The following UBAC2 variants were observed in gnomAD, a reference collection of about 807,000 sequenced individuals.
UBAC2 encodes UBA domain containing 2.
UBAC2 carries 26 observed loss-of-function variants against 44.0 expected under a neutral mutation model. That is an observed-to-expected ratio of 0.59 (90% confidence interval 0.43 to 0.82). UBAC2 has a LOEUF of 0.82. Ranked by LOEUF, UBAC2 falls within the 40% of genes least tolerant of loss-of-function variation. UBAC2 has a pLI of 0.00. For synonymous variants in UBAC2, 155 were observed against 154.3 expected (o/e 1.00, Z -0.04); for missense variants, 329 against 419.4 (o/e 0.78, Z 1.88).
At chr13:99,335,748 C>CT (rs2044779677) in intron 6 of UBAC2, among the ~76,000 whole-genome samples, 1 of 152,168 alleles carries the variant, frequency 6.6e-6, no homozygotes, top group African/African-American at 2.4e-5. Flanking sequence ...TCTGCTTCCT[C>CT]TCTCTCTCAT....
At chr13:99,212,983 C>T (rs1391797293) in intron 1 of UBAC2, among the ~76,000 whole-genome samples, 1 of 152,216 alleles carries the variant, frequency 6.6e-6, no homozygotes, top group Non-Finnish European at 1.5e-5. Context: ...ATTAGTCCCA[C>T]ATAATGATTC....
chr13:99,236,666 T>A (rs2390236), intron 1 of UBAC2, among the ~76,000 whole-genome samples: 147,934 of 152,256 alleles, frequency 0.97, 71,997 homozygotes, highest in East Asian at 1. Flanking sequence ...CCTGGCCAAC[T>A]TGGTGAAACC....
rs1486350448 is a variant in UBAC2, at chr13:99,273,580, A to AAG, written c.389+28957_389+28958dup. On this transcript the variant is annotated intron_variant, in intron 4 of 8. Transcript: ENST00000403766. ...ATCTCTTGGTAGGTACCTACCTCTT[A>AAG]AGGTAGGTACCTTGCAGTGTGGCTG... Among the ~76,000 whole-genome samples, 42 of 152,268 alleles carry AAG rather than the reference A, an allele frequency of 2.8e-4. No individual in the cohort carries two copies. In the East Asian group the frequency reaches 7.3e-3, roughly 27 times the overall value.
chr13:99,215,180 T>A (rs9517651), intron 1 of UBAC2, among the ~76,000 whole-genome samples: 87,164 of 152,044 alleles, frequency 0.57, 26,821 homozygotes, highest in Non-Finnish European at 0.71. Flanking sequence ...AGCCACAGTA[T>A]CACTTAAATA....
At chr13:99,261,497 A>G (rs780747416) in intron 4 of UBAC2, among the ~76,000 whole-genome samples, 5 of 152,214 alleles carry the variant, frequency 3.3e-5, no homozygotes, top group African/African-American at 1.2e-4. Context: ...CCCAGTTAGT[A>G]TACCTCCTTT....
In UBAC2 at chr13:99,349,728, A is replaced by G. The variant is rs140932972; in HGVS notation, c.807+9163A>G. On this transcript the variant is annotated intron_variant, in intron 7 of 8. Coordinates refer to ENST00000403766, the MANE Select transcript of UBAC2 (RefSeq NM_001144072.2). ...GACTTTTACTATTTCTTCTACTGCT[A>G]TCTACTACGAACTTCAAAGAGGAAC... 3.0e-3 allele frequency among the ~76,000 whole-genome samples: 452 copies of G among 152,314 alleles called. 2 individuals carry two copies. Among genetic ancestry groups the G allele is most frequent in the African/African-American group, 0.011 (438 of 41,564 alleles).
At chr13:99,385,181 G>A (rs1160101757) in intron 8 of UBAC2, 47 bp from the exon 9 acceptor site, 2 of 1,388,064 alleles carry the variant, frequency 1.4e-6, no homozygotes, top group Non-Finnish European at 2.1e-6. Flanking sequence ...CCAGGGATAA[G>A]CGGCAATGTC....
At chr13:99,237,613 A>C (rs1004320478) in intron 1 of UBAC2, among the ~76,000 whole-genome samples, 6 of 152,256 alleles carry the variant, frequency 3.9e-5, no homozygotes, top group African/African-American at 1.2e-4. Context: ...TACGTTTCAA[A>C]ATAGCTAGAA....
intron 4 of UBAC2, chr13:99,255,627 A>G (rs759004749): frequency 2.5e-6 from 4 of 1,614,094 alleles, no homozygotes; most frequent in African/African-American, 2.7e-5. Context: ...CATCTTTTGC[A>G]TAATAAAACA....
chr13:99,246,862 C>A (rs1258307985), intron 4 of UBAC2, among the ~76,000 whole-genome samples: 2 of 152,194 alleles, frequency 1.3e-5, no homozygotes, highest in Non-Finnish European at 2.9e-5. Flanking sequence ...AAATATATTT[C>A]TCTTCCTTTT....
chr13:99,340,223 C>T (rs1566510546), intron 6 of UBAC2, 97 bp from the exon 7 acceptor site: 4 of 1,354,606 alleles, frequency 3.0e-6, no homozygotes, highest in Non-Finnish European at 3.1e-6. Flanking sequence ...AAGAAAAATA[C>T]CGTGTGCAGT....
At chr13:99,217,271 C>T (rs2043007927) in intron 1 of UBAC2, among the ~76,000 whole-genome samples, 2 of 152,190 alleles carry the variant, frequency 1.3e-5, no homozygotes, top group African/African-American at 4.8e-5. Flanking sequence ...GCTGAAGGGC[C>T]ACTCAGAAGC....
Position 99,293,123 on chromosome 13 carries a change from G to A in UBAC2, c.390-20974G>A, listed in dbSNP as rs929704931. Among the ~76,000 whole-genome samples the A allele has an allele frequency of 3.9e-5, 6 of 152,294 alleles. No homozygotes were observed. The East Asian group carries it at 9.6e-4, about 24-fold the overall frequency. ...GTAAGAAAACATTAATTGGAGATAG[G>A]ATTAGAGTTTACCTTTTTGGCAGTA... On this transcript the variant is annotated intron_variant, in intron 4 of 8. Transcript: ENST00000403766.
chr13:99,201,691 T>C, intron 1 of UBAC2: 2 of 1,065,078 alleles, frequency 1.9e-6, no homozygotes, highest in Non-Finnish European at 2.7e-6. Context: ...GGAGAACAGC[T>C]CTAATTTTGC....
chr13:99,288,164 TTTC>T (rs1428826642), intron 4 of UBAC2, among the ~76,000 whole-genome samples: 1 of 152,250 alleles, frequency 6.6e-6, no homozygotes, highest in East Asian at 1.9e-4. Flanking sequence ...GACACACTTT[TTTC>T]TTCTCAAAAT....
At chr13:99,201,658 CA>C in intron 1 of UBAC2, 1 of 1,408,226 alleles carries the variant, frequency 7.1e-7, no homozygotes, top group Non-Finnish European at 9.8e-7. Flanking sequence ...TGCGTGTTAA[CA>C]GTTAGGCACG....
At chr13:99,201,059 G>T in intron 1 of UBAC2, 120 bp downstream of exon 1, 1 of 1,328,164 alleles carries the variant, frequency 7.5e-7, no homozygotes, top group South Asian at 2.5e-5. Flanking sequence ...CGACCCTCCA[G>T]ACCCGCGTCC....
chr13:99,287,026 A>G (rs761198368), intron 4 of UBAC2, among the ~76,000 whole-genome samples: 4 of 152,118 alleles, frequency 2.6e-5, no homozygotes, highest in Non-Finnish European at 5.9e-5. Flanking sequence ...TATTACAGAA[A>G]TTTTCAAATA....
At chr13:99,294,847 T>A (rs934064591) in intron 4 of UBAC2, 7 of 433,928 alleles carry the variant, frequency 1.6e-5, no homozygotes, top group Non-Finnish European at 2.8e-5. Context: ...CAAATAAAAA[T>A]GAAATATTTA....
Sources: gnomAD v4.1 joint callset for allele counts (sites outside exome capture counted in the v4.1 genomes callset) on GRCh38, gnomAD v4.1.1 for gene constraint, MANE v1.5 for transcripts, NCBI Gene and HGNC (gene_info 2026-07-23, HGNC 2026-07-21) for gene names.